CEP128: variants seen among roughly 807,000 people sequenced by gnomAD.
CEP128 encodes the protein centrosomal protein 128.
Under a neutral mutation model 156.7 loss-of-function variants are expected in CEP128, and 132 were observed. That is an observed-to-expected ratio of 0.84 (90% CI 0.73 to 0.97). CEP128 has a LOEUF of 0.97. Ranked by LOEUF, CEP128 falls within the 50% of genes least tolerant of loss-of-function variation. The pLI, the probability that CEP128 is intolerant of heterozygous loss-of-function variation, is 0.00. For synonymous variants in CEP128, 469 were observed against 448.9 expected (o/e 1.04, Z -0.57); for missense variants, 1,252 against 1,281.9 (o/e 0.98, Z 0.36).
intron 6 of CEP128, among the ~76,000 whole-genome samples, chr14:80,901,733 A>G (rs1023456365): frequency 1.3e-5 from 2 of 152,158 alleles, no homozygotes; most frequent in African/African-American, 4.8e-5. Flanking sequence ...AGACCTTTCC[A>G]TTTTATCCAC....
At chr14:80,652,811 C>T (rs1415850505) in intron 19 of CEP128, among the ~76,000 whole-genome samples, 1 of 152,148 alleles carries the variant, frequency 6.6e-6, no homozygotes, top group Non-Finnish European at 1.5e-5. Flanking sequence ...ATTAGAAATA[C>T]CATTTGACCC....
rs140179228 is a variant in CEP128, at chr14:80,591,911, G to A, written c.2807-11488C>T. Among the ~76,000 whole-genome samples the A allele has an allele frequency of 2.9e-3, 449 of 152,256 alleles. 4 individuals are homozygous for A. Among genetic ancestry groups the A allele is most frequent in the Admixed American group, 4.6e-3 (70 of 15,296 alleles). ...CAACTTGCTCCTGAATGACTACTGGGTAAATAATGAAATTAAGGCTGAAAT... is the reference window on the plus strand; with the variant it reads ...CAACTTGCTCCTGAATGACTACTGGATAAATAATGAAATTAAGGCTGAAAT... On this transcript the variant is annotated intron_variant, in intron 19 of 24. Coordinates refer to ENST00000555265, the MANE Select transcript of CEP128 (RefSeq NM_152446.5).
intron 4 of CEP128, among the ~76,000 whole-genome samples, chr14:80,911,813 A>G (rs1384905613): frequency 6.6e-6 from 1 of 152,242 alleles, no homozygotes; most frequent in African/African-American, 2.4e-5. Context: ...TAGAATGATG[A>G]AATAGAATGC....
intron 19 of CEP128, among the ~76,000 whole-genome samples, chr14:80,672,235 C>T (rs890998902): frequency 4.0e-5 from 6 of 151,444 alleles, no homozygotes; most frequent in Admixed American, 1.3e-4. Flanking sequence ...TCACAAGAAG[C>T]ATAGAAGTCT....
chr14:80,694,061 A>G (rs72690955), intron 19 of CEP128, among the ~76,000 whole-genome samples: 16,901 of 152,220 alleles, frequency 0.11, 1,076 homozygotes, highest in Non-Finnish European at 0.15. Flanking sequence ...ATCCAAATTT[A>G]CAAGAAAAAA....
chr14:80,496,047 G>A (rs1887483036), downstream of CEP128, among the ~76,000 whole-genome samples: 1 of 152,104 alleles, frequency 6.6e-6, no homozygotes, highest in African/African-American at 2.4e-5. Context: ...CCTGAAGTTA[G>A]ACAGAAGAAA....
intron 19 of CEP128, among the ~76,000 whole-genome samples, chr14:80,638,465 TCC>T (rs906465191): frequency 3.0e-4 from 46 of 152,236 alleles, no homozygotes; most frequent in African/African-American, 9.1e-4. Context: ...GGAATGCTCT[TCC>T]CCCGATGTGC....
intron 8 of CEP128, among the ~76,000 whole-genome samples, chr14:80,878,583 G>A (rs975616461): frequency 1.3e-5 from 2 of 152,064 alleles, no homozygotes; most frequent in Non-Finnish European, 2.9e-5. Context: ...TTGGTTCTAG[G>A]TCCCAAATTG....
intron 8 of CEP128, among the ~76,000 whole-genome samples, chr14:80,893,621 C>A (rs1012540837): frequency 6.6e-6 from 1 of 151,570 alleles, no homozygotes; most frequent in African/African-American, 2.4e-5. Context: ...AGCTTAAATG[C>A]ACAAAATAAA....
At chr14:80,757,513 G>A (rs757593865) in intron 17 of CEP128, among the ~76,000 whole-genome samples, 1 of 152,062 alleles carries the variant, frequency 6.6e-6, no homozygotes, top group Non-Finnish European at 1.5e-5. Flanking sequence ...CTTCCTTCAC[G>A]CCAACTCATT....
At chr14:80,739,676 C>T (rs995688706) in intron 19 of CEP128, among the ~76,000 whole-genome samples, 7 of 151,798 alleles carry the variant, frequency 4.6e-5, no homozygotes, top group Non-Finnish European at 7.4e-5. Flanking sequence ...ATTTTTTTCA[C>T]GTTACACTAG....
At chr14:80,527,584 C>T (rs1291495490) in intron 22 of CEP128, among the ~76,000 whole-genome samples, 1 of 152,194 alleles carries the variant, frequency 6.6e-6, no homozygotes, top group Non-Finnish European at 1.5e-5. Flanking sequence ...GAACAAGGTT[C>T]AAGTAGCAAT....
At chr14:80,780,279 T>G (rs1484667310) in intron 15 of CEP128, among the ~76,000 whole-genome samples, 1 of 152,220 alleles carries the variant, frequency 6.6e-6, no homozygotes, top group Non-Finnish European at 1.5e-5. Context: ...CTCCGTTGTG[T>G]GCATAATTCA....
chr14:80,936,524 T>C (rs972444976), intron 2 of CEP128, among the ~76,000 whole-genome samples: 5 of 152,232 alleles, frequency 3.3e-5, no homozygotes, highest in Admixed American at 2.6e-4. Context: ...ACTAGCATTA[T>C]AGAAATTTCA....
rs1258173153 is a variant in CEP128, at chr14:80,925,392, G to A, written c.-15-8830C>T. On this transcript the variant is annotated intron_variant, in intron 2 of 24. Transcript: ENST00000555265. ...AACTAGGGGAAATTGTACAACAGAA[G>A]TTATGAAAAGAAGGGTTTCAAAAAA... Among the ~76,000 whole-genome samples, 6 of 152,214 alleles carry A rather than the reference G, an allele frequency of 3.9e-5. No homozygotes were observed. The East Asian group carries it at 7.7e-4, about 20-fold the overall frequency.
chr14:80,824,320 G>T (rs1885355206), intron 13 of CEP128, among the ~76,000 whole-genome samples: 1 of 152,192 alleles, frequency 6.6e-6, no homozygotes, highest in Admixed American at 6.5e-5. Flanking sequence ...CTGTTTTGGG[G>T]TTTAACATTT....
At chr14:80,723,244 T>G (rs1357827725) in intron 19 of CEP128, among the ~76,000 whole-genome samples, 1 of 152,186 alleles carries the variant, frequency 6.6e-6, no homozygotes, top group Non-Finnish European at 1.5e-5. Flanking sequence ...TGAGTCAAAC[T>G]ACTACCAATA....
At chr14:80,761,295 T>G (rs1465816366) in intron 17 of CEP128, 142 bp downstream of exon 17, 8 of 576,740 alleles carry the variant, frequency 1.4e-5, no homozygotes, top group Non-Finnish European at 2.0e-5. Context: ...TCCAGCGCCT[T>G]ATTCTAAAAA....
chr14:80,766,111 A>G (rs1451886186), intron 16 of CEP128, among the ~76,000 whole-genome samples: 2 of 152,208 alleles, frequency 1.3e-5, no homozygotes, highest in African/African-American at 2.4e-5. Flanking sequence ...CCAAACTTTT[A>G]AAGGGGCTAT....
Sources: allele counts gnomAD v4.1 joint callset (sites outside exome capture counted in the v4.1 genomes callset), GRCh38; gene constraint gnomAD v4.1.1; transcripts MANE v1.5; gene names NCBI Gene and HGNC (gene_info 2026-07-23, HGNC 2026-07-21).